The following SLC17A1 variants were observed in gnomAD, a reference collection of about 807,000 sequenced individuals.
The protein encoded by SLC17A1 is solute carrier family 17 member 1.
SLC17A1 carries 51 observed loss-of-function variants against 53.5 expected under a neutral mutation model. The observed-to-expected ratio is 0.95, with a 90% CI of 0.76 to 1.20. SLC17A1 has a LOEUF of 1.20. Among genes scored for constraint, SLC17A1 ranks in the 50% most tolerant of loss-of-function variants. The pLI is 0.00. For synonymous variants in SLC17A1, 179 were observed against 198.8 expected (o/e 0.90, Z 0.84); for missense variants, 538 against 568.2 (o/e 0.95, Z 0.54).
intron 12 of SLC17A1, among the ~76,000 whole-genome samples, chr6:25,794,664 A>G (rs1763567884): frequency 6.6e-6 from 1 of 152,164 alleles, no homozygotes; most frequent in African/African-American, 2.4e-5. Flanking sequence ...TTGGACATCA[A>G]CTCACAGCTG....
At chr6:25,745,765 AC>A in the SLC17A1 span, among the ~76,000 whole-genome samples, 1 of 152,196 alleles carries the variant, frequency 6.6e-6, no homozygotes, top group Non-Finnish European at 1.5e-5. Flanking sequence ...CTAATCCGTT[AC>A]TCACAATACT....
At chr6:25,820,759 C>T (rs1245148033) in intron 3 of SLC17A1, among the ~76,000 whole-genome samples, 2 of 151,718 alleles carry the variant, frequency 1.3e-5, no homozygotes, top group African/African-American at 4.8e-5. Context: ...ATTAGCCGGG[C>T]GTGGTTGCAG....
At chr6:25,805,478 A>T (rs992204351) in intron 10 of SLC17A1, among the ~76,000 whole-genome samples, 1 of 152,044 alleles carries the variant, frequency 6.6e-6, no homozygotes, top group African/African-American at 2.4e-5. Flanking sequence ...AGAGGAAAAA[A>T]AGAACAAACT....
chr6:25,771,578 GAA>G, the SLC17A1 span, among the ~76,000 whole-genome samples: 3 of 148,788 alleles, frequency 2.0e-5, no homozygotes, highest in Non-Finnish European at 4.5e-5. Flanking sequence ...TGTCTCAAGA[GAA>G]AAAAAAAAAG....
the SLC17A1 span, among the ~76,000 whole-genome samples, chr6:25,772,763 G>T: frequency 6.6e-6 from 1 of 152,192 alleles, no homozygotes; most frequent in South Asian, 2.1e-4. Context: ...GAGGGATGCT[G>T]ACTGGTACGT....
the SLC17A1 span, chr6:25,776,613 T>C: frequency 1.2e-6 from 2 of 1,609,584 alleles, no homozygotes; most frequent in Non-Finnish European, 1.7e-6. Context: ...CCTGTCTGCC[T>C]TGCCGTTTGT....
At chr6:25,726,081 GC>G in the SLC17A1 span, 1 of 1,467,924 alleles carries the variant, frequency 6.8e-7, no homozygotes, top group South Asian at 1.4e-5. Context: ...TCTGAAAAGA[GC>G]CTTTTGTTTT....
chr6:25,750,870 A>G, the SLC17A1 span, among the ~76,000 whole-genome samples: 1 of 152,150 alleles, frequency 6.6e-6, no homozygotes, highest in African/African-American at 2.4e-5. Flanking sequence ...AGGACTATTC[A>G]AATATGGTCA....
chr6:25,777,788 G>T, the SLC17A1 span: 10 of 661,210 alleles, frequency 1.5e-5, no homozygotes, highest in Middle Eastern at 2.5e-4. Context: ...CATCTCCAGA[G>T]GTAAGCACAG....
At chr6:25,747,211 G>C in the SLC17A1 span, among the ~76,000 whole-genome samples, 1 of 152,182 alleles carries the variant, frequency 6.6e-6, no homozygotes, top group African/African-American at 2.4e-5. Flanking sequence ...TTCCGGGTTA[G>C]GGCATTCAGG....
At chr6:25,730,816 G>A in the SLC17A1 span, among the ~76,000 whole-genome samples, 1 of 152,210 alleles carries the variant, frequency 6.6e-6, no homozygotes, top group Non-Finnish European at 1.5e-5. Flanking sequence ...AGAGCAGTGA[G>A]ATTAATTGGA....
chr6:25,763,900 A>T, the SLC17A1 span, among the ~76,000 whole-genome samples: 1 of 152,222 alleles, frequency 6.6e-6, no homozygotes, highest in African/African-American at 2.4e-5. Context: ...TCACAAAATC[A>T]AAAGCAAATC....
chr6:25,758,465 C>T, the SLC17A1 span, among the ~76,000 whole-genome samples: 2 of 152,198 alleles, frequency 1.3e-5, no homozygotes, highest in Non-Finnish European at 2.9e-5. Context: ...GCCGTTCCTA[C>T]CCTCCCCATT....
chr6:25,776,399 CT>C, the SLC17A1 span, among the ~76,000 whole-genome samples: 33 of 143,772 alleles, frequency 2.3e-4, no homozygotes, highest in African/African-American at 3.1e-4. Context: ...GAGCCTTGTT[CT>C]TTTTTTTTTG....
chr6:25,813,623 T>C (rs1275356430), intron 6 of SLC17A1, among the ~76,000 whole-genome samples: 1 of 152,218 alleles, frequency 6.6e-6, no homozygotes, highest in Non-Finnish European at 1.5e-5. Context: ...TTTATTTATA[T>C]AGGTAAACTT....
chr6:25,752,815 G>A, the SLC17A1 span, among the ~76,000 whole-genome samples: 1 of 152,048 alleles, frequency 6.6e-6, no homozygotes, highest in Non-Finnish European at 1.5e-5. Flanking sequence ...AGCTGGGCGT[G>A]GTGGCAGGCG....
the SLC17A1 span, among the ~76,000 whole-genome samples, chr6:25,758,458 G>A: frequency 3.3e-5 from 5 of 152,136 alleles, no homozygotes; most frequent in South Asian, 4.1e-4. Context: ...CTGCATGGCC[G>A]TTCCTACCCT....
At chr6:25,769,130 A>G in the SLC17A1 span, 1 of 1,614,034 alleles carries the variant, frequency 6.2e-7, no homozygotes, top group Non-Finnish European at 8.5e-7. Flanking sequence ...CTTCCACAGA[A>G]CGGCCCTCCA....
intron 5 of SLC17A1, 47 bp downstream of exon 5, chr6:25,819,464 A>G: frequency 7.1e-7 from 1 of 1,414,754 alleles, no homozygotes. Flanking sequence ...AATGTAATAC[A>G]ATGAGATGAA....
Sources: allele counts gnomAD v4.1 joint callset (sites outside exome capture counted in the v4.1 genomes callset), GRCh38; gene constraint gnomAD v4.1.1; transcripts MANE v1.5; gene names NCBI Gene and HGNC (gene_info 2026-07-23, HGNC 2026-07-21).